WWOX: variants seen among roughly 807,000 people sequenced by gnomAD.
WWOX encodes WW domain-containing oxidoreductase.
A neutral mutation model predicts 46.2 loss-of-function variants in WWOX; 69 were observed. The observed-to-expected ratio is 1.49, with a 90% CI of 1.23 to 1.82. The LOEUF is 1.82. Ranked by LOEUF, WWOX falls within the 40% of genes most tolerant of loss-of-function variation. The probability of loss-of-function intolerance (pLI) is 0.00; values close to 1 mark genes in which losing one functional copy is unlikely to be tolerated. For synonymous variants in WWOX, 359 were observed against 202.6 expected, an observed-to-expected ratio of 1.77 and a Z score of -6.56; for missense variants, 919 against 542.6, an observed-to-expected ratio of 1.69 and a Z score of -6.89.
rs185918099 is a variant in WWOX at position 78,532,101 on chromosome 16, G to C, written c.1056+99349G>C. On this transcript the variant is annotated intron_variant, in intron 8 of 8. Transcript: ENST00000566780. ...TTCTTTTTCCCTTATGCATTTGGGA[G>C]TGGAAGAGCTGTCAGATTCTGAATT... is the stretch of plus-strand genomic sequence containing the variant. Among the ~76,000 whole-genome samples the C allele has an allele frequency of 1.4e-3, 211 of 151,634 alleles. 2 individuals carry two copies. The highest frequency in any genetic ancestry group is 4.7e-3 in the African/African-American group (193 of 41,366).
intron 6 of WWOX, among the ~76,000 whole-genome samples, chr16:78,421,627 A>G (rs540085583): frequency 3.3e-5 from 5 of 152,324 alleles, no homozygotes; most frequent in South Asian, 2.1e-4. Context: ...TCAACCCACT[A>G]TAAAGCAGTG....
intron 8 of WWOX, among the ~76,000 whole-genome samples, chr16:79,147,499 C>G (rs772453516): frequency 2.0e-5 from 3 of 152,170 alleles, no homozygotes; most frequent in Admixed American, 6.5e-5. Flanking sequence ...TGTTTAATCA[C>G]TCTCCCGCTG....
chr16:78,776,178 G>A (rs1401150664), intron 8 of WWOX, among the ~76,000 whole-genome samples: 1 of 152,192 alleles, frequency 6.6e-6, no homozygotes, highest in Admixed American at 6.5e-5. Context: ...ATTCATCTCA[G>A]AAGGATGTTT....
intron 8 of WWOX, among the ~76,000 whole-genome samples, chr16:78,809,483 T>C (rs1013381630): frequency 5.3e-5 from 8 of 152,178 alleles, no homozygotes; most frequent in African/African-American, 1.7e-4. Flanking sequence ...TTGAAGCCCA[T>C]CCCTCTACCC....
At chr16:79,001,233 G>C (rs906348514) in intron 8 of WWOX, among the ~76,000 whole-genome samples, 1 of 152,134 alleles carries the variant, frequency 6.6e-6, no homozygotes, top group Non-Finnish European at 1.5e-5. Context: ...TTAGAGACAG[G>C]CTGGCAGCTT....
At chr16:78,950,875 G>T (rs1487281954) in intron 8 of WWOX, among the ~76,000 whole-genome samples, 4 of 152,136 alleles carry the variant, frequency 2.6e-5, no homozygotes, top group Non-Finnish European at 2.9e-5. Flanking sequence ...TATAGTGCAA[G>T]GTGTTTGGCA....
intron 5 of WWOX, among the ~76,000 whole-genome samples, chr16:78,212,665 C>T (rs532232750): frequency 6.6e-6 from 1 of 152,048 alleles, no homozygotes; most frequent in Non-Finnish European, 1.5e-5. Context: ...AGAGAGGAAC[C>T]AAAAAGGACG....
intron 8 of WWOX, among the ~76,000 whole-genome samples, chr16:78,856,669 C>G (rs1252388921): frequency 6.6e-5 from 10 of 152,014 alleles, no homozygotes; most frequent in Admixed American, 5.2e-4. Context: ...TGGAATAGAT[C>G]TCTTTCAGTA....
intron 8 of WWOX, among the ~76,000 whole-genome samples, chr16:78,793,215 A>G (rs778341341): frequency 6.6e-5 from 10 of 152,000 alleles, no homozygotes; most frequent in Non-Finnish European, 1.0e-4. Context: ...TGGGACCACA[A>G]TGCCCAGCTA....
At chr16:78,271,941 C>T (rs2079484487) in intron 5 of WWOX, among the ~76,000 whole-genome samples, 1 of 152,112 alleles carries the variant, frequency 6.6e-6, no homozygotes, top group African/African-American at 2.4e-5. Flanking sequence ...TGTGTGCAGC[C>T]AGGTCAGGCA....
chr16:79,107,174 C>G (rs1345421116), intron 8 of WWOX, among the ~76,000 whole-genome samples: 1 of 152,154 alleles, frequency 6.6e-6, no homozygotes, highest in Non-Finnish European at 1.5e-5. Context: ...CTCCTGAGCT[C>G]AAGTGATCCG....
intron 8 of WWOX, among the ~76,000 whole-genome samples, chr16:79,035,064 C>G (rs2047839261): frequency 6.6e-6 from 1 of 152,190 alleles, no homozygotes; most frequent in Admixed American, 6.5e-5. Context: ...ACATTGTACT[C>G]TAATATCCAG....
intron 8 of WWOX, among the ~76,000 whole-genome samples, chr16:78,961,074 C>T (rs540668416): frequency 1.3e-5 from 2 of 152,236 alleles, no homozygotes; most frequent in African/African-American, 4.8e-5. Flanking sequence ...GCCCTTGAGA[C>T]TCAGGTGTTC....
chr16:78,960,253 C>T lies in WWOX; in HGVS notation c.1057-251355C>T, dbSNP rs563555630. ...TTAATTTGGGTCATAGGACAAAGACCTCCCCACCTCCAGCTATGAAAGACA... is the reference window on the plus strand; with the variant it reads ...TTAATTTGGGTCATAGGACAAAGACTTCCCCACCTCCAGCTATGAAAGACA... On this transcript the variant is annotated intron_variant, in intron 8 of 8. Coordinates refer to ENST00000566780, the MANE Select transcript of WWOX (RefSeq NM_016373.4). 3.3e-5 allele frequency among the ~76,000 whole-genome samples: 5 copies of T among 152,282 alleles called. No homozygotes were observed. The South Asian group carries it at 8.3e-4, about 25-fold the overall frequency.
In WWOX at chr16:78,592,050, T is replaced by C. The variant is rs964344733; in HGVS notation, c.1056+159298T>C. ...TCGATTTTACCTTTGTCTCAGTCAA[T>C]ATTTACCTCTGAGGTCAATACGTGT... On this transcript the variant is annotated intron_variant, in intron 8 of 8. Transcript: ENST00000566780. 8.6e-4 allele frequency among the ~76,000 whole-genome samples: 131 copies of C among 152,168 alleles called. 1 individual carries two copies. The highest frequency in any genetic ancestry group is 3.1e-3 in the African/African-American group (128 of 41,442).
chr16:79,173,271 G>T (rs2050736535), intron 8 of WWOX, among the ~76,000 whole-genome samples: 2 of 144,820 alleles, frequency 1.4e-5, no homozygotes, highest in South Asian at 4.8e-4. Context: ...CCACAGGAAG[G>T]GAACCCTGCA....
At chr16:79,022,393 C>T (rs1455793984) in intron 8 of WWOX, among the ~76,000 whole-genome samples, 1 of 148,760 alleles carries the variant, frequency 6.7e-6, no homozygotes, top group Admixed American at 6.7e-5. Flanking sequence ...AGCCTACTGG[C>T]TTATCTGTTA....
chr16:78,442,485 C>G (rs1057346412), intron 8 of WWOX, among the ~76,000 whole-genome samples: 1 of 152,164 alleles, frequency 6.6e-6, no homozygotes, highest in African/African-American at 2.4e-5. Context: ...GAACTGCCCT[C>G]TACTCTCTGC....
At chr16:78,145,466 T>A (rs1481322198) in intron 4 of WWOX, among the ~76,000 whole-genome samples, 1 of 152,144 alleles carries the variant, frequency 6.6e-6, no homozygotes, top group African/African-American at 2.4e-5. Context: ...GGATCCAGCA[T>A]GGGAGAAAGA....
Sources: allele counts gnomAD v4.1 joint callset (sites outside exome capture counted in the v4.1 genomes callset), GRCh38; gene constraint gnomAD v4.1.1; transcripts MANE v1.5; gene names NCBI Gene and HGNC (gene_info 2026-07-23, HGNC 2026-07-21).